The following SEMA3A variants were observed in gnomAD, a reference collection of about 807,000 sequenced individuals.
The protein encoded by SEMA3A is semaphorin 3A, also known as semaphorin-3A.
A neutral mutation model predicts 97.9 loss-of-function variants in SEMA3A; 29 were observed. That is an observed-to-expected ratio of 0.30 (90% CI 0.22 to 0.40). The LOEUF is 0.40. SEMA3A is among the 10% of genes least tolerant of loss of function. The pLI, the probability that SEMA3A is intolerant of heterozygous loss-of-function variation, is 1.00. For synonymous variants in SEMA3A, 321 were observed against 323.7 expected, an observed-to-expected ratio of 0.99 and a Z score of 0.09; for missense variants, 763 against 951.3, an observed-to-expected ratio of 0.80 and a Z score of 2.60.
chr7:84,175,362 T>C (rs1797530832), intron 1 of SEMA3A, among the ~76,000 whole-genome samples: 1 of 152,248 alleles, frequency 6.6e-6, no homozygotes, highest in South Asian at 2.1e-4. Flanking sequence ...ATACGAATTA[T>C]ATTTTTTAAT....
chr7:84,102,072 C>G (rs1346586862), intron 4 of SEMA3A, among the ~76,000 whole-genome samples: 1 of 151,876 alleles, frequency 6.6e-6, no homozygotes, highest in African/African-American at 2.4e-5. Flanking sequence ...CATTATACTG[C>G]CTTTGAACAG....
chr7:84,344,674 C>A (rs1480033073), intron 2 of SEMA3A, among the ~76,000 whole-genome samples: 1 of 152,064 alleles, frequency 6.6e-6, no homozygotes, highest in Non-Finnish European at 1.5e-5. Flanking sequence ...TGGCTGACCA[C>A]TGATCTACTC....
intron 1 of SEMA3A, among the ~76,000 whole-genome samples, chr7:84,181,824 G>A (rs1797744809): frequency 6.6e-6 from 1 of 152,072 alleles, no homozygotes. Context: ...CCACATGTCT[G>A]GCATAAGGTA....
intron 1 of SEMA3A, among the ~76,000 whole-genome samples, chr7:84,392,211 T>C (rs1008785631): frequency 6.6e-6 from 1 of 152,152 alleles, no homozygotes; most frequent in Non-Finnish European, 1.5e-5. Context: ...TTTATTCTAA[T>C]TGATGTTTTA....
intron 3 of SEMA3A, among the ~76,000 whole-genome samples, chr7:84,292,917 A>T (rs1800784878): frequency 6.6e-6 from 1 of 152,076 alleles, no homozygotes; most frequent in South Asian, 2.1e-4. Flanking sequence ...CATGTTGACC[A>T]TGTAGATGAG....
intron 12 of SEMA3A, among the ~76,000 whole-genome samples, chr7:83,987,619 G>A (rs1789692627): frequency 3.3e-5 from 5 of 152,124 alleles, no homozygotes; most frequent in Admixed American, 3.3e-4. Flanking sequence ...CTAGCACCTG[G>A]AATTACGCCT....
intron 3 of SEMA3A, among the ~76,000 whole-genome samples, chr7:84,276,741 G>T (rs1018405069): frequency 9.2e-5 from 14 of 151,974 alleles, no homozygotes; most frequent in Non-Finnish European, 1.8e-4. Flanking sequence ...CCTGCCTAGT[G>T]CTCTTATTAT....
chr7:84,278,197 GT>G (rs1382020780), intron 3 of SEMA3A, among the ~76,000 whole-genome samples: 1 of 152,050 alleles, frequency 6.6e-6, no homozygotes, highest in East Asian at 1.9e-4. Flanking sequence ...ATACAGCCAA[GT>G]TTTTTGCTGA....
intron 16 of SEMA3A, 67 bp from the exon 17 acceptor site, chr7:83,961,893 C>A: frequency 8.2e-7 from 1 of 1,224,584 alleles, no homozygotes; most frequent in South Asian, 1.4e-5. Context: ...TCTGAAACTC[C>A]GTGTCTGTAA....
At position 84,223,798 on chromosome 7, in the gene SEMA3A, T is replaced by C. The variant is rs185283423; in HGVS notation, c.-82-29130A>G. On this transcript the variant is annotated intron_variant, in intron 3 of 3. Transcript: ENST00000424555. ...CTTTAGGAAAGATAAGATGATATCA[T>C]AGTTTAGAAATAAAATGGAAATCTT... Among the ~76,000 whole-genome samples the C allele has an allele frequency of 1.2e-4, 18 of 151,978 alleles. No homozygotes were observed. The East Asian group carries it at 3.1e-3, about 26-fold the overall frequency.
chr7:84,243,535 C>T (rs973210470), intron 3 of SEMA3A, among the ~76,000 whole-genome samples: 1 of 152,058 alleles, frequency 6.6e-6, no homozygotes, highest in Non-Finnish European at 1.5e-5. Context: ...ATTCTTCTCT[C>T]TCTTCTTCTT....
At chr7:84,460,260 T>C (rs1187458776) in intron 1 of SEMA3A, among the ~76,000 whole-genome samples, 4 of 152,140 alleles carry the variant, frequency 2.6e-5, no homozygotes, top group Admixed American at 1.3e-4. Context: ...AATACATCAA[T>C]GGGATAAAAG....
At chr7:84,229,729 C>T (rs1340232171) in intron 3 of SEMA3A, among the ~76,000 whole-genome samples, 7 of 151,996 alleles carry the variant, frequency 4.6e-5, no homozygotes, top group Admixed American at 2.6e-4. Flanking sequence ...ATCCAGAGAA[C>T]AGTTATATTA....
At chr7:83,984,529 G>T (rs960704201) in intron 13 of SEMA3A, among the ~76,000 whole-genome samples, 1 of 149,478 alleles carries the variant, frequency 6.7e-6, no homozygotes, top group South Asian at 2.1e-4. Flanking sequence ...TTTGCCAAAT[G>T]ATTCTCATTT....
At chr7:84,263,942 T>C (rs1799923595) in intron 3 of SEMA3A, among the ~76,000 whole-genome samples, 1 of 152,316 alleles carries the variant, frequency 6.6e-6, no homozygotes, top group East Asian at 1.9e-4. Context: ...CAATGTATTC[T>C]GGCATATTTC....
At chr7:84,360,719 A>C (rs780787333) in intron 2 of SEMA3A, among the ~76,000 whole-genome samples, 1 of 152,092 alleles carries the variant, frequency 6.6e-6, no homozygotes, top group Non-Finnish European at 1.5e-5. Context: ...CTCAGTGTCA[A>C]AGGGGAATAG....
At chr7:84,354,082 T>C (rs2116036183) in intron 2 of SEMA3A, among the ~76,000 whole-genome samples, 1 of 151,756 alleles carries the variant, frequency 6.6e-6, no homozygotes, top group South Asian at 2.1e-4. Flanking sequence ...AAAGTAAAGT[T>C]TCATCAAAAT....
At chr7:84,445,946 CACACCTTTA>C (rs1805403455) in intron 1 of SEMA3A, among the ~76,000 whole-genome samples, 1 of 151,784 alleles carries the variant, frequency 6.6e-6, no homozygotes, top group South Asian at 2.1e-4. Flanking sequence ...ACAAAATGGA[CACACCTTTA>C]ACTATATGTA....
Position 84,306,164 on chromosome 7 carries a change from G to A in SEMA3A, c.-83+1043C>T, listed in dbSNP as rs182758131. 1.3e-3 allele frequency among the ~76,000 whole-genome samples: 204 copies of A among 151,692 alleles called. 2 individuals carry two copies. The highest frequency in any genetic ancestry group is 0.013 in the Admixed American group (200 of 15,220). ...AGTAAATTTTTGCCTTATATGATGTGATAAATTTTTTTTGTGTATGTAAAT... is the reference window on the plus strand; with the variant it reads ...AGTAAATTTTTGCCTTATATGATGTAATAAATTTTTTTTGTGTATGTAAAT... On this transcript the variant is annotated intron_variant, in intron 3 of 3. Transcript: ENST00000424555.
Sources: gnomAD v4.1 joint callset for allele counts (sites outside exome capture counted in the v4.1 genomes callset) on GRCh38, gnomAD v4.1.1 for gene constraint, MANE v1.5 for transcripts, NCBI Gene and HGNC (gene_info 2026-07-23, HGNC 2026-07-21) for gene names.